NSRP1: variants seen among roughly 807,000 people sequenced by gnomAD.
NSRP1 encodes the protein nuclear speckle splicing regulatory protein 1, also known as coiled-coil domain containing 55.
A neutral mutation model predicts 54.7 loss-of-function variants in NSRP1; 24 were observed. The observed-to-expected ratio is 0.44, with a 90% CI of 0.32 to 0.62. The LOEUF is 0.62. Ranked by LOEUF, NSRP1 falls within the 20% of genes least tolerant of loss-of-function variation. NSRP1 has a pLI of 0.06. For missense variants in NSRP1, 596 were observed against 651.2 expected, an observed-to-expected ratio of 0.92 and a Z score of 0.92; for synonymous variants, 210 against 213.8, an observed-to-expected ratio of 0.98 and a Z score of 0.15.
intron 2 of NSRP1, among the ~76,000 whole-genome samples, chr17:30,161,836 CTT>C (rs1461924860): frequency 6.6e-6 from 1 of 152,110 alleles, no homozygotes; most frequent in Non-Finnish European, 1.5e-5. Context: ...AAGAGTATGT[CTT>C]TGCTTGCCAG....
intron 2 of NSRP1, among the ~76,000 whole-genome samples, chr17:30,145,019 G>T (rs2071840738): frequency 6.6e-6 from 1 of 152,078 alleles, no homozygotes; most frequent in Non-Finnish European, 1.5e-5. Flanking sequence ...AAACATAAAT[G>T]TTACTGCATT....
rs1904993308 is a variant in NSRP1, at chr17:30,172,592, G to GA, written c.168dup (p.Gln57ThrfsTer18). 3.1e-6 allele frequency: 5 copies of GA among 1,610,596 alleles called. No homozygotes were observed. Among genetic ancestry groups the GA allele is most frequent in the Admixed American group, 1.7e-5 (1 of 59,606 alleles). Reference sequence around the variant, plus strand: ...GGGAAGCTGCTAAGAAGCAGGCCATGAAACAGGTAAGGTAGAAGACTGGGA... The same window carrying GA: ...GGGAAGCTGCTAAGAAGCAGGCCATGAAAACAGGTAAGGTAGAAGACTGGGA... On this transcript the variant is annotated frameshift_variant, in exon 3 of 7. Coordinates refer to ENST00000247026, the MANE Select transcript of NSRP1 (RefSeq NM_032141.4). LOFTEE classifies it high-confidence loss of function.
chr17:30,171,612 T>C lies in NSRP1; in HGVS notation c.115-930T>C, dbSNP rs543389738. On this transcript the variant is annotated intron_variant, in intron 2 of 6. Transcript: ENST00000247026. ...ATGAGCCACCGCGCCTGGCCATATA[T>C]TGTGATTATTTCTTTAATTGTCTTC... 5.3e-5 allele frequency among the ~76,000 whole-genome samples: 8 copies of C among 151,204 alleles called. No homozygotes were observed. The East Asian group carries it at 1.6e-3, about 29-fold the overall frequency.
intron 2 of NSRP1, among the ~76,000 whole-genome samples, chr17:30,142,604 C>A (rs1414937910): frequency 6.6e-6 from 1 of 152,066 alleles, no homozygotes; most frequent in Non-Finnish European, 1.5e-5. Flanking sequence ...AGTGCTGGGA[C>A]CTCACCCGAC....
intron 2 of NSRP1, among the ~76,000 whole-genome samples, chr17:30,132,460 A>G (rs544704172): frequency 6.6e-6 from 1 of 152,050 alleles, no homozygotes; most frequent in Non-Finnish European, 1.5e-5. Context: ...AGACTGAGGC[A>G]GGAGAATCAT....
At chr17:30,176,613 C>G (rs533700826) in intron 3 of NSRP1, among the ~76,000 whole-genome samples, 17 of 120,990 alleles carry the variant, frequency 1.4e-4, no homozygotes, top group South Asian at 3.1e-4. Context: ...TCGTCCCCCC[C>G]CCCCCAAAAA....
intron 2 of NSRP1, chr17:30,122,352 C>T (rs1437238343): frequency 6.0e-3 from 129 of 21,556 alleles, no homozygotes; most frequent in Middle Eastern, 0.042. Flanking sequence ...ACTCTGGTTT[C>T]ATATATATAT....
intron 2 of NSRP1, among the ~76,000 whole-genome samples, chr17:30,152,263 C>T (rs1044661844): frequency 6.6e-6 from 1 of 151,936 alleles, no homozygotes; most frequent in Non-Finnish European, 1.5e-5. Context: ...GCTGGGACTA[C>T]AGGCATGCAC....
Position 30,185,529 on chromosome 17 carries a change from A to G in NSRP1, c.1532A>G (p.Lys511Arg), listed in dbSNP as rs778237398. ...RLTEEGQEKG[K>R]EQERPPEAVS... ...ACAGAGGAAGGGCAAGAGAAGGGTA[A>G]AGAACAAGAGAGACCACCTGAGGCA... Residue 511 changes from lysine to arginine, a missense_variant, in exon 7 of 7, where the codon AAA becomes AGA. By Grantham distance (26) the Lys-to-Arg change is conservative. Transcript: ENST00000247026. 6.8e-6 allele frequency: 11 copies of G among 1,614,068 alleles called. No homozygotes were observed.
intron 2 of NSRP1, among the ~76,000 whole-genome samples, chr17:30,136,348 ATAT>A (rs2071751228): frequency 6.6e-6 from 1 of 152,026 alleles, no homozygotes; most frequent in Non-Finnish European, 1.5e-5. Context: ...GTTCAATACC[ATAT>A]TATTTCAATT....
At chr17:30,170,965 C>G (rs148351633) in intron 2 of NSRP1, among the ~76,000 whole-genome samples, 62 of 152,262 alleles carry the variant, frequency 4.1e-4, no homozygotes, top group African/African-American at 1.4e-3. Context: ...TTTAGAATAG[C>G]CATTCTAACA....
In NSRP1 at chr17:30,185,561, A is replaced by G; in HGVS notation, c.1564A>G (p.Lys522Glu). ...EQERPPEAVS[K>E]FAKRNNEETV... The stretch of plus-strand genomic sequence containing the variant: ...AGAGAGACCACCTGAGGCAGTGAGC[A>G]AGTTTGCAAAGCGGAACAATGAAGA... Residue 522 changes from lysine (K) to glutamate (E), a missense_variant, in exon 7 of 7, where the codon AAG (lysine) becomes GAG (glutamate). Lys to Glu is a moderately conservative substitution (Grantham distance 56). Coordinates refer to ENST00000247026, the MANE Select transcript of NSRP1 (RefSeq NM_032141.4). The G allele has an allele frequency of 6.2e-7, 1 of 1,614,204 alleles. No individual in the cohort carries two copies. Among genetic ancestry groups the G allele is most frequent in the South Asian group, 1.1e-5 (1 of 91,082 alleles).
intron 2 of NSRP1, among the ~76,000 whole-genome samples, chr17:30,147,439 T>C (rs2071866703): frequency 6.7e-6 from 1 of 149,472 alleles, no homozygotes; most frequent in Non-Finnish European, 1.5e-5. Flanking sequence ...CAGACTTTTG[T>C]TTGTTTGGTT....
chr17:30,151,303 G>A (rs1019533203), intron 2 of NSRP1, among the ~76,000 whole-genome samples: 1 of 152,028 alleles, frequency 6.6e-6, no homozygotes, highest in Non-Finnish European at 1.5e-5. Context: ...ACGATAGGGG[G>A]GTTAGAGCTA....
At chr17:30,177,597 C>T (rs1248877603) in intron 3 of NSRP1, among the ~76,000 whole-genome samples, 2 of 152,036 alleles carry the variant, frequency 1.3e-5, no homozygotes, top group Non-Finnish European at 2.9e-5. Flanking sequence ...TTTAACAACT[C>T]TAAAAATGAT....
chr17:30,145,221 T>C (rs1362288871), intron 2 of NSRP1, among the ~76,000 whole-genome samples: 1 of 152,174 alleles, frequency 6.6e-6, no homozygotes, highest in Non-Finnish European at 1.5e-5. Context: ...GTAGAAACCC[T>C]TGTGAAAGTT....
intron 2 of NSRP1, among the ~76,000 whole-genome samples, chr17:30,137,649 A>G (rs1173269291): frequency 6.6e-6 from 1 of 152,256 alleles, no homozygotes; most frequent in Non-Finnish European, 1.5e-5. Context: ...AAATTAACCA[A>G]TAACTTTAGT....
At chr17:30,118,199 G>T (rs201929571) in intron 2 of NSRP1, 26 bp downstream of exon 2, 1 of 1,568,474 alleles carries the variant, frequency 6.4e-7, no homozygotes. Context: ...TTTTACTCGT[G>T]CATGGTTGGA....
intron 2 of NSRP1, among the ~76,000 whole-genome samples, chr17:30,141,891 C>G (rs757855368): frequency 6.6e-5 from 10 of 152,266 alleles, no homozygotes; most frequent in Non-Finnish European, 1.5e-4. Flanking sequence ...GTAGTCCCAG[C>G]TACTTGGAAA....
Sources: allele counts gnomAD v4.1 joint callset (sites outside exome capture counted in the v4.1 genomes callset), GRCh38; gene constraint gnomAD v4.1.1; transcripts MANE v1.5; gene names NCBI Gene and HGNC (gene_info 2026-07-23, HGNC 2026-07-21).